CCDC120: variants seen among roughly 807,000 people sequenced by gnomAD.
The protein encoded by CCDC120 is coiled-coil domain-containing protein 120.
A neutral mutation model predicts 37.6 loss-of-function variants in CCDC120; 16 were observed. The observed-to-expected ratio is 0.43, with a 90% CI of 0.29 to 0.65. The LOEUF is 0.65. Among genes scored for constraint, CCDC120 ranks in the 30% least tolerant of loss-of-function variants. CCDC120 has a pLI of 0.18. For synonymous variants in CCDC120, 309 were observed against 275.4 expected (o/e 1.12, Z -1.21); for missense variants, 650 against 657.4 (o/e 0.99, Z 0.12).
intron 4 of CCDC120, among the ~76,000 whole-genome samples, chrX:49,063,276 C>T (rs1356635279): frequency 9.1e-6 from 1 of 109,405 alleles, no homozygotes; most frequent in Non-Finnish European, 1.9e-5. Flanking sequence ...TCGCTTAAAC[C>T]CTGGAGGTGG....
chrX:49,060,553 G>A (rs1420415348), intron 1 of CCDC120, among the ~76,000 whole-genome samples: 1 of 110,360 alleles, frequency 9.1e-6, no homozygotes, highest in Non-Finnish European at 1.9e-5. Context: ...GGTAAAGGAA[G>A]GTTCCAGGGA....
At chrX:49,063,741 G>C (rs1557080116) in intron 4 of CCDC120, 120 bp from the exon 5 acceptor site, 19 of 741,565 alleles carry the variant, frequency 2.6e-5, no homozygotes, top group African/African-American at 6.6e-5. Flanking sequence ...GGAGTATCGT[G>C]CGTGGTTGCT....
At chrX:49,066,258 G>C (rs1465229286) in intron 9 of CCDC120, 1 of 131,696 alleles carries the variant, frequency 7.6e-6, no homozygotes, top group Non-Finnish European at 1.5e-5. Flanking sequence ...AAAGGTGTGG[G>C]ACATGGGAGG....
At chrX:49,060,391 C>G (rs1486112619) in intron 1 of CCDC120, among the ~76,000 whole-genome samples, 1 of 88,234 alleles carries the variant, frequency 1.1e-5, no homozygotes, top group East Asian at 4.3e-4. Flanking sequence ...GCCACCACTG[C>G]ATTCCAGCCT....
At chrX:49,064,870 C>CTG (rs782180446) in intron 6 of CCDC120, among the ~76,000 whole-genome samples, 166 bp from the exon 7 acceptor site, 5 of 112,282 alleles carry the variant, frequency 4.5e-5, no homozygotes. Context: ...AGGAACCAAA[C>CTG]TGGGGTGGTC....
chrX:49,063,672 G>C (rs1251837913), intron 4 of CCDC120, among the ~76,000 whole-genome samples, 189 bp from the exon 5 acceptor site: 4 of 111,754 alleles, frequency 3.6e-5, no homozygotes, highest in African/African-American at 9.8e-5. Context: ...CCACCCCAGG[G>C]GTTTGGGCCA....
At chrX:49,056,198 T>G (rs1345859945), upstream of CCDC120, among the ~76,000 whole-genome samples, 1 of 111,495 alleles carries the variant, frequency 9.0e-6, no homozygotes, top group Non-Finnish European at 1.9e-5. Context: ...CCTGCATTTT[T>G]GATGTTGAGA....
chrX:49,058,317 C>A (rs1557078736), upstream of CCDC120, among the ~76,000 whole-genome samples: 1 of 112,477 alleles, frequency 8.9e-6, no homozygotes, highest in African/African-American at 3.2e-5. Flanking sequence ...GAGACCTGAC[C>A]TCTCCTTAGA....
chrX:49,056,957 CAGAG>C (rs1408189569), upstream of CCDC120, among the ~76,000 whole-genome samples: 1 of 111,931 alleles, frequency 8.9e-6, no homozygotes, highest in Non-Finnish European at 1.9e-5. Context: ...CCCCAATTGA[CAGAG>C]AGGCACAGAG....
chrX:49,059,354 C>A (rs2064856651), intron 1 of CCDC120: 1 of 752,290 alleles, frequency 1.3e-6, no homozygotes, highest in Admixed American at 8.7e-5. Flanking sequence ...GAGGAGGGAT[C>A]GGGGAAAAGA....
upstream of CCDC120, among the ~76,000 whole-genome samples, chrX:49,054,422 C>T (rs782794563): frequency 9.0e-6 from 1 of 111,051 alleles, no homozygotes; most frequent in South Asian, 3.8e-4. Flanking sequence ...GTGATATCCT[C>T]TCCTATATAC....
At chrX:49,059,764 C>G (rs2050793969) in intron 1 of CCDC120, among the ~76,000 whole-genome samples, 1 of 109,519 alleles carries the variant, frequency 9.1e-6, no homozygotes, top group Admixed American at 9.6e-5. Context: ...GTGGGGGGTG[C>G]CCTCTACTGC....
intron 7 of CCDC120, among the ~76,000 whole-genome samples, 155 bp from the exon 8 acceptor site, chrX:49,065,299 C>T (rs1322287437): frequency 9.0e-6 from 1 of 111,087 alleles, no homozygotes; most frequent in African/African-American, 3.3e-5. Flanking sequence ...CCCAGCCCCA[C>T]AGCCCCAGAA....
chrX:49,053,876 T>A (rs2064814410), exon 1 of CCDC120: 1 of 112,336 alleles, frequency 8.9e-6, no homozygotes, highest in Admixed American at 9.3e-5. Context: ...CGGGGACCCT[T>A]GGTGAGTAAC....
At chrX:49,068,511 C>A (rs191050269) in intron 10 of CCDC120, 33 bp from the exon 11 acceptor site, 100 of 1,076,806 alleles carry the variant, frequency 9.3e-5, no homozygotes, top group Non-Finnish European at 1.2e-4. Flanking sequence ...CTTCCCCGCC[C>A]TGTCCTCCGG....
intron 9 of CCDC120, 143 bp downstream of exon 9, chrX:49,065,988 C>T (rs1557081116): frequency 1.1e-5 from 6 of 543,677 alleles, no homozygotes; most frequent in African/African-American, 4.7e-5. Context: ...TTTCGGAGGC[C>T]GAGGCGGGCG....
intron 4 of CCDC120, 92 bp downstream of exon 4, chrX:49,062,693 C>A: frequency 1.1e-6 from 1 of 930,313 alleles, no homozygotes; most frequent in East Asian, 3.2e-5. Context: ...GTGGCAATTC[C>A]TCAACCACTT....
At chrX:49,065,880 A>G in intron 9 of CCDC120, 35 bp downstream of exon 9, 1 of 1,099,236 alleles carries the variant, frequency 9.1e-7, no homozygotes, top group Non-Finnish European at 1.2e-6. Context: ...GGAGGATCAG[A>G]GGGGAGGGAA....
intron 5 of CCDC120, 97 bp downstream of exon 5, chrX:49,064,098 G>A: frequency 9.6e-7 from 1 of 1,036,331 alleles, no homozygotes; most frequent in African/African-American, 1.9e-5. Context: ...TTGTGGCCAG[G>A]TGAGGGAGAG....
Sources: allele counts gnomAD v4.1 joint callset (sites outside exome capture counted in the v4.1 genomes callset), GRCh38; gene constraint gnomAD v4.1.1; transcripts MANE v1.5; gene names NCBI Gene and HGNC (gene_info 2026-07-23, HGNC 2026-07-21).